The following CSMD3 variants were observed in gnomAD, a reference collection of about 807,000 sequenced individuals.
CSMD3 encodes the protein CUB and sushi domain-containing protein 3.
CSMD3 carries 177 observed loss-of-function variants against 435.2 expected under a neutral mutation model. That is an observed-to-expected ratio of 0.41 (90% CI 0.36 to 0.46). The LOEUF (loss-of-function observed/expected upper bound fraction) is 0.46. Among genes scored for constraint, CSMD3 ranks in the 20% least tolerant of loss-of-function variants. CSMD3 has a pLI of 0.34. For missense variants in CSMD3, 4,265 were observed against 4,504.6 expected, an observed-to-expected ratio of 0.95 and a Z score of 1.52; for synonymous variants, 1,656 against 1,520.5, an observed-to-expected ratio of 1.09 and a Z score of -2.07.
intron 2 of CSMD3, chr8:113,313,889 A>C (rs2093889606): frequency 6.6e-6 from 1 of 152,170 alleles, no homozygotes; most frequent in Admixed American, 6.6e-5. Context: ...CAACTAAAAT[A>C]AGTTTCTGGT....
At chr8:112,330,289 C>G in intron 45 of CSMD3, among the ~76,000 whole-genome samples, 1 of 152,088 alleles carries the variant, frequency 6.6e-6, no homozygotes, top group Non-Finnish European at 1.5e-5. Flanking sequence ...AATAATGAGT[C>G]ATTATGTAAT....
At chr8:112,579,797 T>C (rs926501987) in intron 23 of CSMD3, among the ~76,000 whole-genome samples, 3 of 152,020 alleles carry the variant, frequency 2.0e-5, no homozygotes, top group African/African-American at 7.2e-5. Context: ...ATTAATCAAG[T>C]CCTTTGAGTA....
At chr8:113,002,326 T>G (rs1350404062) in intron 6 of CSMD3, among the ~76,000 whole-genome samples, 3 of 152,126 alleles carry the variant, frequency 2.0e-5, no homozygotes, top group Non-Finnish European at 2.9e-5. Flanking sequence ...CTCAGAAATT[T>G]TATTTAAATT....
intron 16 of CSMD3, among the ~76,000 whole-genome samples, chr8:112,672,878 A>C (rs1427602660): frequency 6.6e-6 from 1 of 152,120 alleles, no homozygotes; most frequent in Non-Finnish European, 1.5e-5. Context: ...AAGAATCAGA[A>C]GTGCTTCAGA....
At chr8:113,037,013 T>G (rs2087383542) in intron 5 of CSMD3, among the ~76,000 whole-genome samples, 1 of 152,120 alleles carries the variant, frequency 6.6e-6, no homozygotes. Context: ...CAGTTTCAGG[T>G]GCATTTTTTA....
intron 59 of CSMD3, among the ~76,000 whole-genome samples, chr8:112,274,004 G>A (rs953762288): frequency 6.6e-6 from 1 of 151,146 alleles, no homozygotes; most frequent in African/African-American, 2.4e-5. Context: ...AGGAGAAAAT[G>A]TCTTGAGGTG....
intron 22 of CSMD3, among the ~76,000 whole-genome samples, chr8:112,606,480 C>A (rs1832803104): frequency 1.3e-5 from 2 of 152,114 alleles, no homozygotes; most frequent in African/African-American, 4.8e-5. Context: ...CCTCCAGAAC[C>A]CCAGATCATC....
chr8:112,382,448 C>T (rs1221175428), intron 37 of CSMD3, among the ~76,000 whole-genome samples: 1 of 152,056 alleles, frequency 6.6e-6, no homozygotes, highest in Non-Finnish European at 1.5e-5. Context: ...CCAGATATTT[C>T]TTTCTTTTCC....
At chr8:112,336,358 T>C (rs755118184) in intron 44 of CSMD3, among the ~76,000 whole-genome samples, 1 of 152,208 alleles carries the variant, frequency 6.6e-6, no homozygotes, top group African/African-American at 2.4e-5. Context: ...TACCTTAAAC[T>C]TAAGTCTGTT....
intron 13 of CSMD3, among the ~76,000 whole-genome samples, chr8:112,724,726 C>A (rs1236612125): frequency 6.6e-6 from 1 of 151,644 alleles, no homozygotes; most frequent in Non-Finnish European, 1.5e-5. Flanking sequence ...ATCATGCAAC[C>A]CAGAGGTTAT....
chr8:112,269,893 A>G (rs778948632), intron 59 of CSMD3, among the ~76,000 whole-genome samples: 1 of 152,148 alleles, frequency 6.6e-6, no homozygotes, highest in Admixed American at 6.6e-5. Context: ...TGTGCATAAC[A>G]TTTTAATGCA....
intron 1 of CSMD3, among the ~76,000 whole-genome samples, chr8:113,387,702 G>A (rs1046925895): frequency 6.6e-6 from 1 of 151,430 alleles, no homozygotes; most frequent in South Asian, 2.1e-4. Context: ...TGGCAGAAAA[G>A]GGGGATGAGG....
At chr8:112,982,328 C>A (rs930489196) in intron 6 of CSMD3, among the ~76,000 whole-genome samples, 5 of 151,836 alleles carry the variant, frequency 3.3e-5, no homozygotes, top group African/African-American at 9.7e-5. Context: ...ATGTTGAAGA[C>A]CTAGGTTTTA....
chr8:113,094,717 A>C (rs1201365088), intron 5 of CSMD3, among the ~76,000 whole-genome samples: 3 of 152,192 alleles, frequency 2.0e-5, no homozygotes, highest in South Asian at 4.1e-4. Flanking sequence ...ACAAATATTT[A>C]AGGTGATGGT....
chr8:113,324,592 T>G (rs1783931506), intron 1 of CSMD3, among the ~76,000 whole-genome samples: 1 of 152,088 alleles, frequency 6.6e-6, no homozygotes, highest in Non-Finnish European at 1.5e-5. Context: ...AGCCAGAAGT[T>G]TTCTGCATGG....
At chr8:113,312,126 T>C (rs900467568) in intron 2 of CSMD3, 1 of 152,046 alleles carries the variant, frequency 6.6e-6, no homozygotes, top group Non-Finnish European at 1.5e-5. Flanking sequence ...CTACATAGAA[T>C]TATATATATT....
rs1479471512 is a variant in CSMD3, at chr8:112,551,295, T to C, written c.4362-422A>G. Among the ~76,000 whole-genome samples the C allele has an allele frequency of 2.0e-5, 3 of 152,132 alleles. No homozygotes were observed. The East Asian group carries it at 5.8e-4, about 29-fold the overall frequency. On this transcript the variant is annotated intron_variant, in intron 26 of 70. Coordinates refer to ENST00000297405, the MANE Select transcript of CSMD3 (RefSeq NM_198123.2). ...AATTTTACAAATATGGCAAATGGAG[T>C]TTAGATAAATGAAATAATTTCCCAA...
intron 22 of CSMD3, among the ~76,000 whole-genome samples, chr8:112,607,689 C>CATGTTT (rs1832910594): frequency 1.3e-5 from 2 of 152,068 alleles, no homozygotes; most frequent in Non-Finnish European, 2.9e-5. Context: ...TGATATATTA[C>CATGTTT]ATTAACAAAA....
At chr8:113,148,148 A>G (rs575854590) in intron 4 of CSMD3, among the ~76,000 whole-genome samples, 5 of 151,704 alleles carry the variant, frequency 3.3e-5, no homozygotes, top group Non-Finnish European at 7.4e-5. Context: ...TTATATCCAT[A>G]TCTTCCATTC....
Sources: allele counts gnomAD v4.1 joint callset (sites outside exome capture counted in the v4.1 genomes callset), GRCh38; gene constraint gnomAD v4.1.1; transcripts MANE v1.5; gene names NCBI Gene and HGNC (gene_info 2026-07-23, HGNC 2026-07-21).